COL6A5: variants seen among roughly 807,000 people sequenced by gnomAD.
COL6A5 encodes collagen alpha-5(VI) chain.
In COL6A5, 48 loss-of-function variants were observed where a neutral mutation model predicts 65.6. That is an observed-to-expected ratio of 0.73 (90% CI 0.58 to 0.93). The LOEUF (loss-of-function observed/expected upper bound fraction) is 0.93, where lower values mean the gene tolerates loss of function less well. Among genes scored for constraint, COL6A5 ranks in the 40% least tolerant of loss-of-function variants. COL6A5 has a pLI of 0.00. For missense variants in COL6A5, 914 were observed against 928.3 expected, an observed-to-expected ratio of 0.98 and a Z score of 0.20; for synonymous variants, 291 against 322.8, an observed-to-expected ratio of 0.90 and a Z score of 1.05.
intron 1 of COL6A5, among the ~76,000 whole-genome samples, chr3:130,359,998 G>T (rs886861328): frequency 4.6e-5 from 7 of 151,750 alleles, no homozygotes; most frequent in African/African-American, 1.7e-4. Flanking sequence ...TGTTATGGGG[G>T]AATGACAACT....
At chr3:130,346,115 G>A in intron 1 of COL6A5, 134 bp downstream of exon 1, 1 of 397,514 alleles carries the variant, frequency 2.5e-6, no homozygotes, top group Non-Finnish European at 4.4e-6. Context: ...GAGCTCTAAG[G>A]AATTTTACAG....
intron 5 of COL6A5, among the ~76,000 whole-genome samples, chr3:130,457,905 T>C (rs1365289334): frequency 6.6e-6 from 1 of 152,128 alleles, no homozygotes; most frequent in South Asian, 2.1e-4. Context: ...GTTGATAAGT[T>C]TCATAAGCAC....
upstream of COL6A5, chr3:130,429,600 A>AT: frequency 1.3e-6 from 2 of 1,545,704 alleles, no homozygotes; most frequent in African/African-American, 2.7e-5. Flanking sequence ...TATTCTTACC[A>AT]TGCTGTTCCC....
intron 5 of COL6A5, among the ~76,000 whole-genome samples, chr3:130,460,660 G>A (rs1188995463): frequency 6.6e-6 from 1 of 152,012 alleles, no homozygotes; most frequent in Non-Finnish European, 1.5e-5. Flanking sequence ...TGTTGGTGCT[G>A]GTCATGGTAG....
intron 5 of COL6A5, 41 bp downstream of exon 37, chr3:130,455,707 C>T (rs758766201): frequency 6.8e-7 from 1 of 1,471,996 alleles, no homozygotes; most frequent in South Asian, 1.2e-5. Context: ...TTTAAATAGC[C>T]AGGATCCTCA....
chr3:130,372,933 G>A (rs1559863463), intron 1 of COL6A5, among the ~76,000 whole-genome samples: 1 of 151,992 alleles, frequency 6.6e-6, no homozygotes, highest in Non-Finnish European at 1.5e-5. Context: ...TTCTTATAAA[G>A]AACAAACTCT....
chr3:130,388,372 A>C (rs1936272327), intron 5 of COL6A5, among the ~76,000 whole-genome samples: 1 of 152,158 alleles, frequency 6.6e-6, no homozygotes, highest in Admixed American at 6.6e-5. Flanking sequence ...GCATGAATAA[A>C]TACACATTTT....
intron 4 of COL6A5, among the ~76,000 whole-genome samples, chr3:130,452,500 C>T (rs1417712506): frequency 6.6e-6 from 1 of 152,130 alleles, no homozygotes; most frequent in Non-Finnish European, 1.5e-5. Flanking sequence ...AGCCGCAAAA[C>T]CAGCAAGTTT....
intron 27 of COL6A5, 56 bp from the exon 28 acceptor site, chr3:130,422,664 T>C (rs1036104484): frequency 8.5e-7 from 1 of 1,170,598 alleles, no homozygotes; most frequent in Non-Finnish European, 1.2e-6. Flanking sequence ...GTTTTTTTTT[T>C]AATTCTTTCA....
chr3:130,483,320 A>T (rs1290550387), intron 7 of COL6A5, among the ~76,000 whole-genome samples: 3 of 152,194 alleles, frequency 2.0e-5, no homozygotes, highest in African/African-American at 7.2e-5. Context: ...GTGTCAACTA[A>T]TGGGCAAAAT....
chr3:130,367,075 T>A (rs1404889460), intron 1 of COL6A5, among the ~76,000 whole-genome samples: 1 of 152,208 alleles, frequency 6.6e-6, no homozygotes, highest in Admixed American at 6.5e-5. Flanking sequence ...TAAGCAGCAG[T>A]GTTGGAAGAC....
rs997488967 is a variant in COL6A5, at chr3:130,482,679, A to G, written c.2329-1356A>G. On this transcript the variant is annotated intron_variant, in intron 7 of 7. Transcript: ENST00000512836. ...ATATTGATTCTTCCTATCCCTGAGC[A>G]TGCAATGTTTTTCCATTTATTTGTC... Among the ~76,000 whole-genome samples the G allele has an allele frequency of 7.2e-5, 11 of 152,198 alleles. No individual in the cohort carries two copies. In the East Asian group the frequency reaches 9.6e-4, roughly 13 times the overall value.
At chr3:130,461,681 T>TTA (rs1413360087) in intron 5 of COL6A5, among the ~76,000 whole-genome samples, 1 of 151,994 alleles carries the variant, frequency 6.6e-6, no homozygotes, top group Non-Finnish European at 1.5e-5. Context: ...ATAAACTAAA[T>TTA]CATGTAAAAT....
chr3:130,353,789 T>C lies in COL6A5; in HGVS notation c.-29+7808T>C, dbSNP rs76811948. Among the ~76,000 whole-genome samples, 1,505 of 152,030 alleles carry C rather than the reference T, an allele frequency of 9.9e-3. 16 individuals are homozygous for C. Among genetic ancestry groups the C allele is most frequent in the South Asian group, 0.08 (388 of 4,820 alleles). On this transcript the variant is annotated intron_variant and NMD_transcript_variant, in intron 1 of 41. Transcript: ENST00000312481. ...ATTTATTTCTTTGATCTCAAACTGT[T>C]AGTAATTTCAAGATGCACCGCCAAT... is the stretch of plus-strand genomic sequence containing the variant.
Position 130,379,348 on chromosome 3 carries a change from T to A in COL6A5, c.668-70T>A, listed in dbSNP as rs1935904447. On this transcript the variant is annotated intron_variant and NMD_transcript_variant, in intron 3 of 41. Coordinates refer to the COL6A5 transcript ENST00000312481. ...CTATTCTAACTAATGTGCTTGATAA[T>A]GTAAAAAGTACCTTTTTCTCTCCGG... 3.0e-6 allele frequency: 4 copies of A among 1,338,112 alleles called. No individual in the cohort carries two copies. In the Admixed American group the frequency reaches 1.0e-4, roughly 34 times the overall value. 82.9% of individuals were successfully genotyped at this position (1,338,112 alleles called of 1,614,324 possible).
intron 7 of COL6A5, among the ~76,000 whole-genome samples, chr3:130,393,565 T>C (rs985952107): frequency 3.9e-5 from 6 of 152,214 alleles, no homozygotes; most frequent in Non-Finnish European, 8.8e-5. Context: ...GTGGAGGCTG[T>C]TTTATTCTCA....
At chr3:130,410,209 A>T in intron 19 of COL6A5, 135 bp downstream of exon 19, 3 of 706,832 alleles carry the variant, frequency 4.2e-6, no homozygotes, top group Admixed American at 2.9e-5. Flanking sequence ...TTTTTTGATG[A>T]TGCATATTTG....
chr3:130,432,877 C>G (rs114973344), intron 1 of COL6A5, among the ~76,000 whole-genome samples: 2 of 152,118 alleles, frequency 1.3e-5, no homozygotes, highest in African/African-American at 4.8e-5. Flanking sequence ...CTCAAGGGAT[C>G]AGTGCTCCCC....
chr3:130,477,702 C>T (rs140963879), intron 7 of COL6A5, among the ~76,000 whole-genome samples: 1 of 152,028 alleles, frequency 6.6e-6, no homozygotes, highest in Non-Finnish European at 1.5e-5. Flanking sequence ...GGAGGTGGAG[C>T]CTCCAGAGGT....
Sources: allele counts gnomAD v4.1 joint callset (sites outside exome capture counted in the v4.1 genomes callset), GRCh38; gene constraint gnomAD v4.1.1; transcripts MANE v1.5; gene names NCBI Gene and HGNC (gene_info 2026-07-23, HGNC 2026-07-21).